The following NAALADL2 variants were observed in gnomAD, a reference collection of about 807,000 sequenced individuals.
NAALADL2 encodes N-acetylated alpha-linked acidic dipeptidase like 2.
A neutral mutation model predicts 87.2 loss-of-function variants in NAALADL2; 76 were observed. The ratio of observed to expected loss-of-function variants is 0.87; its 90% CI spans 0.72 to 1.05. The LOEUF is 1.05. NAALADL2 is among the 50% of genes least tolerant of loss of function. NAALADL2 has a pLI of 0.00. For synonymous variants in NAALADL2, 354 were observed against 331.0 expected, an observed-to-expected ratio of 1.07 and a Z score of -0.75; for missense variants, 1,089 against 945.8, an observed-to-expected ratio of 1.15 and a Z score of -1.99.
At chr3:174,543,667 A>G (rs1436224954) in intron 1 of NAALADL2, among the ~76,000 whole-genome samples, 1 of 152,132 alleles carries the variant, frequency 6.6e-6, no homozygotes, top group African/African-American at 2.4e-5. Flanking sequence ...AAAATGAATC[A>G]AAATAATCAT....
chr3:174,711,779 C>T (rs765164307), intron 2 of NAALADL2, among the ~76,000 whole-genome samples: 15 of 152,162 alleles, frequency 9.9e-5, no homozygotes, highest in Non-Finnish European at 2.1e-4. Flanking sequence ...GTGCAAGGAA[C>T]ATTTCAAGAT....
intron 1 of NAALADL2, among the ~76,000 whole-genome samples, chr3:175,010,959 A>G (rs988671058): frequency 4.6e-5 from 7 of 152,176 alleles, no homozygotes; most frequent in Admixed American, 4.6e-4. Flanking sequence ...AATGTTTGGT[A>G]TAAAGTAATA....
chr3:175,464,658 T>G (rs538893705), intron 7 of NAALADL2, among the ~76,000 whole-genome samples: 13 of 152,272 alleles, frequency 8.5e-5, no homozygotes, highest in Admixed American at 5.9e-4. Flanking sequence ...TTAGTAAAAT[T>G]GGCCTAGTTG....
chr3:175,373,566 T>A, intron 5 of NAALADL2, among the ~76,000 whole-genome samples: 1 of 152,218 alleles, frequency 6.6e-6, no homozygotes, highest in East Asian at 1.9e-4. Context: ...ATTCTTTTGC[T>A]AATTGTCATT....
chr3:175,104,994 A>G (rs1193373921), intron 2 of NAALADL2, among the ~76,000 whole-genome samples: 1 of 152,144 alleles, frequency 6.6e-6, no homozygotes, highest in East Asian at 1.9e-4. Context: ...GCCCCTCGCA[A>G]TCCTTAGGTA....
chr3:175,201,590 A>G (rs73043274), intron 2 of NAALADL2, among the ~76,000 whole-genome samples: 2 of 152,212 alleles, frequency 1.3e-5, no homozygotes, highest in South Asian at 2.1e-4. Flanking sequence ...CAGACATTAC[A>G]TCTTTGTCGT....
chr3:174,692,231 A>G (rs1237170772), intron 2 of NAALADL2, among the ~76,000 whole-genome samples: 2 of 152,232 alleles, frequency 1.3e-5, no homozygotes, highest in South Asian at 2.1e-4. Flanking sequence ...TCCTTAATCT[A>G]TGGGTTGCAG....
chr3:174,535,418 T>A (rs903845713), intron 1 of NAALADL2, among the ~76,000 whole-genome samples: 1 of 152,188 alleles, frequency 6.6e-6, no homozygotes, highest in Non-Finnish European at 1.5e-5. Flanking sequence ...CTAATAGTAT[T>A]ATCCTAACAG....
intron 1 of NAALADL2, among the ~76,000 whole-genome samples, chr3:174,987,043 C>G (rs1400192243): frequency 6.6e-6 from 1 of 152,094 alleles, no homozygotes; most frequent in East Asian, 1.9e-4. Flanking sequence ...TGCCCACTTC[C>G]CATTGACCAT....
chr3:175,309,541 C>A (rs549107653), intron 4 of NAALADL2, among the ~76,000 whole-genome samples: 3 of 151,496 alleles, frequency 2.0e-5, no homozygotes, highest in African/African-American at 7.3e-5. Flanking sequence ...GAAAAAAAAA[C>A]GTGGTTTAAA....
chr3:175,483,515 AT>A (rs923435414), intron 9 of NAALADL2, among the ~76,000 whole-genome samples: 3 of 151,312 alleles, frequency 2.0e-5, no homozygotes, highest in Non-Finnish European at 2.9e-5. Context: ...TTCTATTAAT[AT>A]TTTTTTTGTA....
chr3:174,874,301 A>G (rs759413336), intron 1 of NAALADL2, among the ~76,000 whole-genome samples: 1 of 152,196 alleles, frequency 6.6e-6, no homozygotes, highest in Non-Finnish European at 1.5e-5. Context: ...ATTTACTCCT[A>G]TATGAGAACA....
intron 4 of NAALADL2, among the ~76,000 whole-genome samples, chr3:175,267,311 A>G (rs1752100212): frequency 6.6e-6 from 1 of 152,106 alleles, no homozygotes; most frequent in Admixed American, 6.6e-5. Flanking sequence ...AATTGATTAT[A>G]AAACATGTAG....
chr3:175,137,909 C>G (rs1278570592), intron 2 of NAALADL2, among the ~76,000 whole-genome samples: 1 of 152,114 alleles, frequency 6.6e-6, no homozygotes, highest in Non-Finnish European at 1.5e-5. Flanking sequence ...CAGGCTTGAG[C>G]CACCACACCA....
chr3:174,815,858 A>G (rs1194223023), intron 3 of NAALADL2, among the ~76,000 whole-genome samples: 1 of 51,794 alleles, frequency 1.9e-5, no homozygotes, highest in East Asian at 4.9e-4. Flanking sequence ...TTTTTTTTTT[A>G]AGTTTCCTTT....
chr3:174,750,044 T>C (rs892199693), intron 3 of NAALADL2, among the ~76,000 whole-genome samples: 1 of 152,232 alleles, frequency 6.6e-6, no homozygotes, highest in East Asian at 1.9e-4. Context: ...GAAAAAAGCC[T>C]ATTTTCTTTC....
At chr3:174,596,082 A>G (rs528666678) in intron 2 of NAALADL2, among the ~76,000 whole-genome samples, 1 of 152,240 alleles carries the variant, frequency 6.6e-6, no homozygotes, top group South Asian at 2.1e-4. Context: ...AATATTAATA[A>G]CAAAACTGCC....
chr3:175,212,217 G>A (rs1236480940), intron 2 of NAALADL2, among the ~76,000 whole-genome samples: 1 of 151,872 alleles, frequency 6.6e-6, no homozygotes, highest in Non-Finnish European at 1.5e-5. Flanking sequence ...TGTCCATTAA[G>A]AAGGCCCATT....
chr3:175,390,129 A>C (rs1407149641), intron 5 of NAALADL2, among the ~76,000 whole-genome samples: 1 of 152,162 alleles, frequency 6.6e-6, no homozygotes, highest in Non-Finnish European at 1.5e-5. Context: ...CTGTAAAAAA[A>C]AAATAGAACT....
Sources: gnomAD v4.1 joint callset for allele counts (sites outside exome capture counted in the v4.1 genomes callset) on GRCh38, gnomAD v4.1.1 for gene constraint, MANE v1.5 for transcripts, NCBI Gene and HGNC (gene_info 2026-07-23, HGNC 2026-07-21) for gene names.